PTPRN2: variants seen among roughly 807,000 people sequenced by gnomAD.
The protein encoded by PTPRN2 is protein tyrosine phosphatase receptor type N2.
A neutral mutation model predicts 118.8 loss-of-function variants in PTPRN2; 74 were observed. The ratio of observed to expected loss-of-function variants is 0.62; its 90% CI spans 0.52 to 0.76. PTPRN2 has a LOEUF of 0.76. Among genes scored for constraint, PTPRN2 ranks in the 30% least tolerant of loss-of-function variants. The pLI is 0.00. For synonymous variants in PTPRN2, 641 were observed against 608.0 expected (o/e 1.05, Z -0.80); for missense variants, 1,481 against 1,394.4 (o/e 1.06, Z -0.99).
At chr7:158,468,553 A>G (rs935175024) in intron 2 of PTPRN2, among the ~76,000 whole-genome samples, 2 of 152,138 alleles carry the variant, frequency 1.3e-5, no homozygotes, top group Non-Finnish European at 2.9e-5. Flanking sequence ...CTATTTTTCA[A>G]AGCTTCCAGG....
intron 1 of PTPRN2, among the ~76,000 whole-genome samples, chr7:158,501,588 G>T (rs959929238): frequency 2.6e-5 from 4 of 152,150 alleles, no homozygotes; most frequent in African/African-American, 9.7e-5. Flanking sequence ...GTCAGCAGTC[G>T]CAGGGGGGGA....
rs775994083 is a variant in PTPRN2 at position 157,615,453 on chromosome 7, C to T, written c.2344+5909G>A. ...AGGATGAAAAGGAGGTGTTTAGCCC[C>T]GAGCCTCACGTGGAAACATCTGATG... On this transcript the variant is annotated intron_variant, in intron 15 of 22. Transcript: ENST00000389418. The surrounding 1 kb of genome is among the most constrained non-coding windows in gnomAD (Gnocchi z 4.3). 19 of 471,092 alleles carry T rather than the reference C, an allele frequency of 4.0e-5. No homozygotes were observed. Among genetic ancestry groups the T allele is most frequent in the Middle Eastern group, 3.2e-4 (1 of 3,100 alleles). The allele number at this position is 471,092 out of a possible 1,614,324, so 29.2% of individuals were successfully genotyped here.
intron 16 of PTPRN2, among the ~76,000 whole-genome samples, chr7:157,597,470 A>ATGTG (rs111696000): frequency 1.6e-5 from 2 of 123,992 alleles, no homozygotes; most frequent in Admixed American, 8.2e-5. Context: ...TCCTTCTGAA[A>ATGTG]TGTGTGTGTG....
At position 158,563,140 on chromosome 7, in the gene PTPRN2, CGAA is replaced by C. The variant is rs140399145; in HGVS notation, c.112+24415_112+24417del. On this transcript the variant is annotated intron_variant, in intron 1 of 22. Transcript: ENST00000389418. The surrounding 1 kb of genome is among the most constrained non-coding windows in gnomAD (Gnocchi z 5.1). Reference sequence around the variant, plus strand: ...AAGGTATCTGCTGGTGCAGTGCCACCGAAGAAGAGAGGTCCTACCTGAAACCTC... The same window carrying C: ...AAGGTATCTGCTGGTGCAGTGCCACCGAAGAGAGGTCCTACCTGAAACCTC... Among the ~76,000 whole-genome samples, 1,198 of 152,230 alleles carry C rather than the reference CGAA, an allele frequency of 7.9e-3. 14 individuals carry two copies. The highest frequency in any genetic ancestry group is 0.027 in the African/African-American group (1,109 of 41,532).
At chr7:157,747,980 G>A (rs1452386314) in intron 12 of PTPRN2, among the ~76,000 whole-genome samples, 1 of 132,640 alleles carries the variant, frequency 7.5e-6, no homozygotes, top group Non-Finnish European at 1.6e-5. Context: ...GTGATTCTGA[G>A]GCCTGCGTCT....
chr7:158,271,005 T>G (rs1298085355), intron 3 of PTPRN2, among the ~76,000 whole-genome samples: 1 of 85,882 alleles, frequency 1.2e-5, no homozygotes, highest in Non-Finnish European at 2.2e-5. Flanking sequence ...CCCATCCACC[T>G]GGACCACCCC....
chr7:158,238,747 C>T (rs996777603), intron 3 of PTPRN2, among the ~76,000 whole-genome samples: 9 of 152,070 alleles, frequency 5.9e-5, no homozygotes, highest in African/African-American at 9.7e-5. Context: ...TTCCAGGGAC[C>T]GACGGATTCA....
chr7:157,930,001 A>T (rs1194578260), intron 11 of PTPRN2, among the ~76,000 whole-genome samples: 6 of 152,220 alleles, frequency 3.9e-5, no homozygotes, highest in African/African-American at 1.4e-4. Flanking sequence ...GCTCTGGGCC[A>T]TCACCCGTCG....
rs1334270773 is a variant in PTPRN2 at position 157,977,597 on chromosome 7, G to C, written c.1724-78860C>G. Reference sequence around the variant, plus strand: ...GGGATGACGTGAGAAGGCCCCAGGTGGGATGACGTGAGTGTGTTCATGGAG... The same window carrying C: ...GGGATGACGTGAGAAGGCCCCAGGTCGGATGACGTGAGTGTGTTCATGGAG... On this transcript the variant is annotated intron_variant, in intron 11 of 22. Coordinates refer to ENST00000389418, the MANE Select transcript of PTPRN2 (RefSeq NM_002847.5). The surrounding 1 kb of genome is among the most constrained non-coding windows in gnomAD (Gnocchi z 4.6). Among the ~76,000 whole-genome samples, 1 of 151,664 alleles carries C rather than the reference G, an allele frequency of 6.6e-6. No homozygotes were observed. The highest frequency in any genetic ancestry group is 1.5e-5 in the Non-Finnish European group (1 of 67,884).
intron 18 of PTPRN2, 92 bp from the exon 19 acceptor site, chr7:157,576,871 CCA>C: frequency 7.6e-7 from 1 of 1,321,556 alleles, no homozygotes; most frequent in Non-Finnish European, 1.0e-6. Flanking sequence ...CCACGTCTGA[CCA>C]GAGAAGGGGG....
chr7:158,354,875 T>TAA (rs1477618001), intron 2 of PTPRN2, among the ~76,000 whole-genome samples: 1 of 152,158 alleles, frequency 6.6e-6, no homozygotes, highest in Non-Finnish European at 1.5e-5. Flanking sequence ...AGGCTTTTAA[T>TAA]AATTAAACTG....
chr7:158,063,732 C>T (rs1038104366), intron 11 of PTPRN2, among the ~76,000 whole-genome samples: 1 of 152,156 alleles, frequency 6.6e-6, no homozygotes, highest in Admixed American at 6.6e-5. Flanking sequence ...AAACTCGGGA[C>T]ACACCGCCTT....
intron 21 of PTPRN2, among the ~76,000 whole-genome samples, chr7:157,557,087 CACAG>C (rs1798934172): frequency 6.6e-6 from 1 of 151,796 alleles, no homozygotes; most frequent in Non-Finnish European, 1.5e-5. Flanking sequence ...CACACACACA[CACAG>C]ATATACACAC....
intron 11 of PTPRN2, among the ~76,000 whole-genome samples, chr7:157,901,789 G>A (rs1342918356): frequency 4.0e-5 from 4 of 100,668 alleles, no homozygotes; most frequent in Non-Finnish European, 8.0e-5. Context: ...CTTCCCGTCC[G>A]TGTTTCCTGG....
At chr7:157,684,251 AG>A (rs1283593947) in intron 12 of PTPRN2, among the ~76,000 whole-genome samples, 1 of 151,890 alleles carries the variant, frequency 6.6e-6, no homozygotes, top group Non-Finnish European at 1.5e-5. Context: ...GGGTTAAATG[AG>A]AAAAGACGCC....
At position 157,825,361 on chromosome 7, in the gene PTPRN2, G is replaced by A. The variant is rs1482802184; in HGVS notation, c.1788+73312C>T. On this transcript the variant is annotated intron_variant, in intron 12 of 22. Coordinates refer to ENST00000389418, the MANE Select transcript of PTPRN2 (RefSeq NM_002847.5). ...GCTGAGGGCTGGAGCGGCAGGAGTAGAACACCTTGTTTCTGGGACCTCAGA... is the reference window on the plus strand; with the variant it reads ...GCTGAGGGCTGGAGCGGCAGGAGTAAAACACCTTGTTTCTGGGACCTCAGA... Among the ~76,000 whole-genome samples, 3 of 152,176 alleles carry A rather than the reference G, an allele frequency of 2.0e-5. 1 individual carries two copies. Among genetic ancestry groups the A allele is most frequent in the South Asian group, 4.1e-4 (2 of 4,824 alleles).
chr7:158,265,971 C>T (rs4909162), intron 3 of PTPRN2, among the ~76,000 whole-genome samples: 6,143 of 152,090 alleles, frequency 0.04, 155 homozygotes, highest in East Asian at 0.11. Flanking sequence ...AGGGCTCCTT[C>T]GCCTCCCCAG....
intron 2 of PTPRN2, among the ~76,000 whole-genome samples, chr7:158,336,334 T>G (rs1289261753): frequency 8.2e-5 from 10 of 122,194 alleles, no homozygotes; most frequent in African/African-American, 2.9e-4. Context: ...AGGTGACACC[T>G]GCAGACGTCA....
chr7:158,507,973 C>T (rs919433798), intron 1 of PTPRN2, among the ~76,000 whole-genome samples: 4 of 150,846 alleles, frequency 2.7e-5, no homozygotes, highest in South Asian at 2.1e-4. Flanking sequence ...GAGGACCATC[C>T]GGGGAACAGC....
Sources: gnomAD v4.1 joint callset for allele counts (sites outside exome capture counted in the v4.1 genomes callset) on GRCh38, gnomAD v4.1.1 for gene constraint, Gnocchi (gnomAD v3.1) non-coding constraint, MANE v1.5 for transcripts, NCBI Gene and HGNC (gene_info 2026-07-23, HGNC 2026-07-21) for gene names.